The following MYBPC1 variants were observed in gnomAD, a reference collection of about 807,000 sequenced individuals.
MYBPC1 encodes myosin-binding protein C, slow-type.
In MYBPC1, 52 loss-of-function variants were observed where a neutral mutation model predicts 147.1. The observed-to-expected ratio is 0.35, with a 90% CI of 0.28 to 0.45. The LOEUF (loss-of-function observed/expected upper bound fraction) is 0.45, where lower values mean the gene tolerates loss of function less well. MYBPC1 is among the 20% of genes least tolerant of loss of function. The pLI, the probability that MYBPC1 is intolerant of heterozygous loss-of-function variation, is 1.00. For missense variants in MYBPC1, 1,228 were observed against 1,440.3 expected (o/e 0.85, Z 2.39); for synonymous variants, 477 against 475.9 (o/e 1.00, Z -0.03).
intron 25 of MYBPC1, among the ~76,000 whole-genome samples, chr12:101,674,314 T>C (rs1899371477): frequency 6.6e-6 from 1 of 152,202 alleles, no homozygotes; most frequent in Non-Finnish European, 1.5e-5. Context: ...TGTTTCTTAC[T>C]ACACCTAAAA....
chr12:101,674,713 A>G (rs1899491625), intron 25 of MYBPC1, among the ~76,000 whole-genome samples: 1 of 151,924 alleles, frequency 6.6e-6, no homozygotes, highest in Admixed American at 6.6e-5. Flanking sequence ...AAATGCAAAA[A>G]TTAGCCAGAC....
intron 1 of MYBPC1, among the ~76,000 whole-genome samples, chr12:101,598,535 T>A (rs1445075738): frequency 6.6e-6 from 1 of 152,196 alleles, no homozygotes; most frequent in Non-Finnish European, 1.5e-5. Flanking sequence ...TTCTTTAACA[T>A]CCTGCGACAA....
intron 15 of MYBPC1, 91 bp from the exon 16 acceptor site, chr12:101,651,140 A>G: frequency 7.5e-7 from 1 of 1,336,030 alleles, no homozygotes. Flanking sequence ...CAAACATTGT[A>G]GTAGAGCTCA....
chr12:101,662,841 G>A (rs770420999), intron 21 of MYBPC1, among the ~76,000 whole-genome samples: 1 of 152,172 alleles, frequency 6.6e-6, no homozygotes, highest in Non-Finnish European at 1.5e-5. Context: ...ATGGACATGT[G>A]AGTACTTTCC....
chr12:101,688,818 T>A (rs758849799), downstream of MYBPC1, among the ~76,000 whole-genome samples: 1 of 151,826 alleles, frequency 6.6e-6, no homozygotes, highest in Non-Finnish European at 1.5e-5. Context: ...CCAGGTGTGG[T>A]AGCACGCACC....
intron 3 of MYBPC1, among the ~76,000 whole-genome samples, chr12:101,618,405 G>A (rs1003108442): frequency 1.3e-5 from 2 of 152,134 alleles, no homozygotes; most frequent in East Asian, 3.9e-4. Flanking sequence ...TGCAGACAGT[G>A]CAAACTCCTA....
intron 22 of MYBPC1, among the ~76,000 whole-genome samples, chr12:101,663,765 G>A (rs1030284307): frequency 6.6e-6 from 1 of 152,122 alleles, no homozygotes; most frequent in African/African-American, 2.4e-5. Context: ...AAGTATCTTG[G>A]CTAGGCTGCC....
Position 101,614,485 on chromosome 12 carries a change from T to C in MYBPC1, c.26-11T>C. The C allele has an allele frequency of 2.5e-6, 4 of 1,613,836 alleles. No homozygotes were observed. Among genetic ancestry groups the C allele is most frequent in the East Asian group, 2.2e-5 (1 of 44,870 alleles). ...TGAGCCTGACATTTCCATGACTCTTTCCATTTCTAGAAAATGAAGTGCCAG... is the reference window on the plus strand; with the variant it reads ...TGAGCCTGACATTTCCATGACTCTTCCCATTTCTAGAAAATGAAGTGCCAG... On this transcript the variant is annotated splice_polypyrimidine_tract_variant and intron_variant, in intron 1 of 31. Coordinates refer to ENST00000361466, the MANE Select transcript of MYBPC1 (RefSeq NM_002465.4).
chr12:101,642,845 C>T (rs1892354562), intron 11 of MYBPC1, among the ~76,000 whole-genome samples: 5 of 152,216 alleles, frequency 3.3e-5, no homozygotes, highest in Admixed American at 2.0e-4. Flanking sequence ...CGCCCCCTTT[C>T]TCCAGCCTCC....
At chr12:101,633,182 G>C (rs548356704) in intron 8 of MYBPC1, among the ~76,000 whole-genome samples, 1 of 152,180 alleles carries the variant, frequency 6.6e-6, no homozygotes, top group Non-Finnish European at 1.5e-5. Context: ...ACCTCTTCTC[G>C]AGTAGAGTAA....
intron 30 of MYBPC1, 112 bp from the exon 31 acceptor site, chr12:101,684,270 C>T: frequency 1.2e-6 from 1 of 850,846 alleles, no homozygotes. Flanking sequence ...TTAATGAAAT[C>T]ACCTCTTCAT....
At chr12:101,622,805 T>C (rs1194624611) in intron 3 of MYBPC1, among the ~76,000 whole-genome samples, 1 of 152,188 alleles carries the variant, frequency 6.6e-6, no homozygotes, top group African/African-American at 2.4e-5. Flanking sequence ...GATTATGTTT[T>C]CTAGCACTTT....
At chr12:101,608,909 G>A (rs991989047) in intron 1 of MYBPC1, among the ~76,000 whole-genome samples, 9 of 152,160 alleles carry the variant, frequency 5.9e-5, no homozygotes, top group Non-Finnish European at 1.2e-4. Flanking sequence ...AAGACATAGT[G>A]TTCCTTGTGG....
intron 14 of MYBPC1, among the ~76,000 whole-genome samples, chr12:101,648,559 G>A (rs980249928): frequency 6.6e-6 from 1 of 152,098 alleles, no homozygotes; most frequent in African/African-American, 2.4e-5. Context: ...CTTCTAAGTG[G>A]GCTTACTAAT....
At chr12:101,613,215 G>A (rs545722901) in intron 1 of MYBPC1, among the ~76,000 whole-genome samples, 4 of 152,192 alleles carry the variant, frequency 2.6e-5, no homozygotes, top group East Asian at 3.9e-4. Context: ...TTTCTGTTAC[G>A]GTGCAATCCA....
intron 1 of MYBPC1, among the ~76,000 whole-genome samples, chr12:101,612,075 CAAAAAAAAAAGAA>C (rs1259042282): frequency 1.8e-3 from 130 of 73,328 alleles, no homozygotes; most frequent in Non-Finnish European, 2.2e-3. Context: ...GACTCCATCT[CAAAAAAAAAAGAA>C]AAAAAAAAAA....
intron 3 of MYBPC1, 59 bp from the exon 4 acceptor site, chr12:101,626,813 C>A: frequency 7.4e-7 from 1 of 1,355,166 alleles, no homozygotes; most frequent in Non-Finnish European, 1.1e-6. Flanking sequence ...TCTCTTTTCT[C>A]AGGTTACTTG....
intron 22 of MYBPC1, 127 bp downstream of exon 22, chr12:101,663,687 C>A: frequency 9.0e-7 from 1 of 1,107,576 alleles, no homozygotes; most frequent in Non-Finnish European, 1.3e-6. Context: ...AGCCAAACGT[C>A]ATCCTTCTGA....
chr12:101,609,626 T>A (rs1883543502), intron 1 of MYBPC1, among the ~76,000 whole-genome samples: 1 of 152,068 alleles, frequency 6.6e-6, no homozygotes, highest in African/African-American at 2.4e-5. Context: ...TTTGATCAGA[T>A]CCCTAAGTGA....
Sources: allele counts gnomAD v4.1 joint callset (sites outside exome capture counted in the v4.1 genomes callset), GRCh38; gene constraint gnomAD v4.1.1; transcripts MANE v1.5; gene names NCBI Gene and HGNC (gene_info 2026-07-23, HGNC 2026-07-21).